Variants in PLXNC1 observed in about 807,000 individuals in gnomAD.
PLXNC1 encodes the protein plexin C1, also known as plexin-C1.
In PLXNC1, 75 loss-of-function variants were observed where a neutral mutation model predicts 178.2. That is an observed-to-expected ratio of 0.42 (90% CI 0.35 to 0.51). The LOEUF is 0.51. Ranked by LOEUF, PLXNC1 falls within the 20% of genes least tolerant of loss-of-function variation. The pLI is 0.02. For synonymous variants in PLXNC1, 790 were observed against 779.9 expected (o/e 1.01, Z -0.22); for missense variants, 1,503 against 1,984.4 (o/e 0.76, Z 4.61).
At chr12:94,166,234 C>T (rs1485829611) in intron 1 of PLXNC1, among the ~76,000 whole-genome samples, 1 of 149,328 alleles carries the variant, frequency 6.7e-6, no homozygotes, top group African/African-American at 2.4e-5. Flanking sequence ...TTGCTATGTG[C>T]CAAACCTGTT....
chr12:94,259,450 CTAT>C, intron 18 of PLXNC1, 75 bp downstream of exon 18: 3 of 1,244,114 alleles, frequency 2.4e-6, no homozygotes, highest in Middle Eastern at 1.9e-4. Flanking sequence ...ACTATCATCT[CTAT>C]TATTATTACT....
chr12:94,156,228 T>C (rs1300068062), intron 1 of PLXNC1, among the ~76,000 whole-genome samples: 2 of 152,232 alleles, frequency 1.3e-5, no homozygotes, highest in African/African-American at 4.8e-5. Flanking sequence ...TCACCATCAT[T>C]ACTACTAATA....
intron 4 of PLXNC1, among the ~76,000 whole-genome samples, chr12:94,201,095 G>A (rs1017161704): frequency 3.3e-5 from 5 of 152,206 alleles, no homozygotes; most frequent in African/African-American, 1.2e-4. Context: ...AGATGAATGA[G>A]GGTCTACTCT....
intron 12 of PLXNC1, among the ~76,000 whole-genome samples, chr12:94,245,821 A>C (rs1964514621): frequency 1.3e-5 from 2 of 152,078 alleles, no homozygotes; most frequent in South Asian, 4.1e-4. Context: ...TAGCTGTAAA[A>C]CTGAGCTGGG....
chr12:94,297,130 T>G, intron 24 of PLXNC1, 59 bp from the exon 25 acceptor site: 2 of 1,565,672 alleles, frequency 1.3e-6, no homozygotes, highest in South Asian at 2.2e-5. Context: ...GAAGGCCGAT[T>G]AGCCCATGGT....
At chr12:94,295,964 T>C (rs1312485676) in intron 24 of PLXNC1, among the ~76,000 whole-genome samples, 5 of 152,232 alleles carry the variant, frequency 3.3e-5, no homozygotes, top group African/African-American at 9.6e-5. Flanking sequence ...CCAACCTACC[T>C]GCACCTGCCT....
Position 94,260,067 on chromosome 12 carries a change from TTTG to T in PLXNC1, c.3251+346_3251+348del, listed in dbSNP as rs1197931691. Among the ~76,000 whole-genome samples, 2 of 152,134 alleles carry T rather than the reference TTTG, an allele frequency of 1.3e-5. No individual in the cohort carries two copies. The highest frequency in any genetic ancestry group is 4.8e-5 in the African/African-American group (2 of 41,424). ...GATCATACCACCCCAACACAATTTT[TTTG>T]TTGTTGTTGTTGGAGTCTCACTCTG... On this transcript the variant is annotated intron_variant, in intron 19 of 30. Transcript: ENST00000258526. This position sits in a 1 kb window ranked among gnomAD's most constrained non-coding sequence, Gnocchi z 4.4.
intron 20 of PLXNC1, among the ~76,000 whole-genome samples, chr12:94,261,055 G>A (rs144119998): frequency 2.0e-5 from 3 of 152,142 alleles, no homozygotes; most frequent in Non-Finnish European, 4.4e-5. Flanking sequence ...TTAGAATTTC[G>A]TCAGGTGAGA....
intron 3 of PLXNC1, among the ~76,000 whole-genome samples, chr12:94,185,292 T>C (rs535008268): frequency 1.3e-5 from 2 of 152,230 alleles, no homozygotes; most frequent in Non-Finnish European, 2.9e-5. Flanking sequence ...CTCAGGATAG[T>C]CCTTGTTTTC....
chr12:94,239,407 A>G lies in PLXNC1; in HGVS notation c.2121-1078A>G, dbSNP rs1964321400. On this transcript the variant is annotated intron_variant, in intron 10 of 30. Transcript: ENST00000258526. ...AACCACTTTATGATAAATTTCCTAGAGCTTTGCTCTGAATATAAACCTGAA... is the reference window on the plus strand; with the variant it reads ...AACCACTTTATGATAAATTTCCTAGGGCTTTGCTCTGAATATAAACCTGAA... Among the ~76,000 whole-genome samples, 7 of 152,366 alleles carry G rather than the reference A, an allele frequency of 4.6e-5. No homozygotes were observed. The South Asian group carries it at 1.4e-3, about 32-fold the overall frequency.
chr12:94,234,647 A>G (rs992782658), intron 9 of PLXNC1, among the ~76,000 whole-genome samples: 1 of 152,228 alleles, frequency 6.6e-6, no homozygotes. Flanking sequence ...ATTTGAATAC[A>G]TAGAAATCCT....
intron 5 of PLXNC1, among the ~76,000 whole-genome samples, chr12:94,215,499 GA>G (rs536763128): frequency 4.3e-4 from 61 of 143,196 alleles, no homozygotes; most frequent in Admixed American, 3.8e-3. Context: ...ACATATTTTG[GA>G]AAAAAAAAAG....
chr12:94,264,234 G>A lies in PLXNC1; in HGVS notation c.3451-845G>A, dbSNP rs117655768. Among the ~76,000 whole-genome samples, 230 of 152,250 alleles carry A rather than the reference G, an allele frequency of 1.5e-3. 4 individuals carry two copies. Among genetic ancestry groups the A allele is most frequent in the Admixed American group, 0.012 (187 of 15,298 alleles). On this transcript the variant is annotated intron_variant, in intron 20 of 30. Coordinates refer to ENST00000258526, the MANE Select transcript of PLXNC1 (RefSeq NM_005761.3). The stretch of plus-strand genomic sequence containing the variant: ...CAGAACACACCGCCTCCCACTTGAG[G>A]TGCTCAGAGTCCTTTGGAATGCAGA...
Position 94,181,472 on chromosome 12 carries a change from A to C in PLXNC1, c.1230A>C (p.Ser410=). 6.3e-7 allele frequency: 1 copy of C among 1,580,800 alleles called. No homozygotes were observed. ...TTATTCTTGGTGAGAATTTGACTTC[A>C]AATTGTCCAGAGGTTATCTATGAAA... ...LKVILGENLT[S]NCPEVIYEIK... Residue 410 remains serine, a synonymous_variant, in exon 3 of 31, where the codon TCA becomes TCC. Transcript: ENST00000258526.
rs1964962868 is a variant in PLXNC1 at position 94,260,440 on chromosome 12, A to G, written c.3252-202A>G. ...AACTTTGGAAGACTCACATCTTGTT[A>G]CCACTCTAGTTTAAATGCTGAAAAC... On this transcript the variant is annotated intron_variant, in intron 19 of 30. Coordinates refer to ENST00000258526, the MANE Select transcript of PLXNC1 (RefSeq NM_005761.3). The surrounding 1 kb of genome is among the most constrained non-coding windows in gnomAD (Gnocchi z 4.4). 6.6e-6 allele frequency among the ~76,000 whole-genome samples: 1 copy of G among 151,510 alleles called. No homozygotes were observed. Among genetic ancestry groups the G allele is most frequent in the Admixed American group, 6.6e-5 (1 of 15,168 alleles).
intron 7 of PLXNC1, among the ~76,000 whole-genome samples, chr12:94,225,136 C>T (rs1006269113): frequency 6.6e-6 from 1 of 152,178 alleles, no homozygotes; most frequent in African/African-American, 2.4e-5. Flanking sequence ...GCTTCTAAAG[C>T]AGCAAGAGGA....
chr12:94,287,145 G>C (rs1966853838), intron 23 of PLXNC1, among the ~76,000 whole-genome samples: 3 of 152,220 alleles, frequency 2.0e-5, no homozygotes, highest in Admixed American at 2.0e-4. Flanking sequence ...TCCATCTGAT[G>C]AACACAGAGG....
chr12:94,161,141 A>G (rs573283491), intron 1 of PLXNC1, among the ~76,000 whole-genome samples: 1 of 151,986 alleles, frequency 6.6e-6, no homozygotes, highest in Non-Finnish European at 1.5e-5. Context: ...TGAACTGTGG[A>G]TATCAGTGGA....
At chr12:94,277,364 A>G (rs1211555119) in intron 21 of PLXNC1, among the ~76,000 whole-genome samples, 1 of 152,186 alleles carries the variant, frequency 6.6e-6, no homozygotes, top group African/African-American at 2.4e-5. Flanking sequence ...GGGGGACATC[A>G]ATATTCAGAT....
Sources: allele counts gnomAD v4.1 joint callset (sites outside exome capture counted in the v4.1 genomes callset), GRCh38; gene constraint gnomAD v4.1.1; non-coding constraint Gnocchi (gnomAD v3.1); transcripts MANE v1.5; gene names NCBI Gene and HGNC (gene_info 2026-07-23, HGNC 2026-07-21).